Variants in ZNF320 observed in about 807,000 individuals in gnomAD.
The protein encoded by ZNF320 is zinc finger protein 320, also known as zinc finger gene 320.
Under a neutral mutation model 6.8 loss-of-function variants are expected in ZNF320, and 2 were observed. The observed-to-expected ratio is 0.29, with a 90% CI of 0.12 to 0.93. The LOEUF is 0.93. ZNF320 is among the 40% of genes least tolerant of loss of function. The pLI is 0.55. For missense variants in ZNF320, 472 were observed against 611.0 expected, an observed-to-expected ratio of 0.77 and a Z score of 2.40; for synonymous variants, 208 against 203.2, an observed-to-expected ratio of 1.02 and a Z score of -0.20.
At position 52,890,311 on chromosome 19, in the gene ZNF320, A is replaced by G. The variant is rs2064246745; in HGVS notation, c.-56T>C. ...CTGGGTTTCTTCCTCAGGTACCAAG[A>G]GTCTTTAGAAGTCAATCCTAAATGT... is the stretch of plus-strand genomic sequence containing the variant. On this transcript the variant is annotated 5_prime_UTR_variant, in exon 4 of 6. Transcript: ENST00000682928. 1.3e-6 allele frequency: 2 copies of G among 1,582,006 alleles called. No individual in the cohort carries two copies. The highest frequency in any genetic ancestry group is 1.4e-5 in the African/African-American group (1 of 73,762).
intron 4 of ZNF320, among the ~76,000 whole-genome samples, chr19:52,888,776 T>C (rs894579439): frequency 4.1e-4 from 62 of 152,134 alleles, no homozygotes. Context: ...ATTTTCAAAA[T>C]ATAAAAGATT....
intron 5 of ZNF320, among the ~76,000 whole-genome samples, chr19:52,867,339 C>T (rs376362635): frequency 6.6e-6 from 1 of 150,700 alleles, no homozygotes; most frequent in Non-Finnish European, 1.5e-5. Flanking sequence ...CTGGGATTAC[C>T]GGTACGTGCC....
In ZNF320 at chr19:52,881,206, CCA is replaced by C; in HGVS notation, c.918_919del (p.Cys306TrpfsTer5). ...AGTTGCTCGTTGCTTAAAAACCTTG[CCA>C]CATTCATTACACTTATAGGGTTTCT... On this transcript the variant is annotated frameshift_variant, in exon 6 of 6. Coordinates refer to ENST00000682928, the MANE Select transcript of ZNF320 (RefSeq NM_001351774.2). LOFTEE classifies it low-confidence loss of function (END_TRUNC). The C allele has an allele frequency of 6.2e-7, 1 of 1,614,120 alleles. No individual in the cohort carries two copies. The highest frequency in any genetic ancestry group is 8.5e-7 in the Non-Finnish European group (1 of 1,180,016).
downstream of ZNF320, chr19:52,873,944 T>C: frequency 4.9e-6 from 2 of 410,998 alleles, no homozygotes; most frequent in South Asian, 2.0e-5. Context: ...TACCTGGCAT[T>C]TCAGAAAGGA....
chr19:52,902,698 G>A, the ZNF320 span, among the ~76,000 whole-genome samples: 9 of 152,012 alleles, frequency 5.9e-5, no homozygotes, highest in Admixed American at 5.9e-4. Context: ...TTTTATATTA[G>A]TGTGTTACTA....
intron 3 of ZNF320, 56 bp downstream of exon 3, chr19:52,891,173 T>C (rs897282517): frequency 6.6e-6 from 1 of 151,494 alleles, no homozygotes; most frequent in Non-Finnish European, 1.5e-5. Context: ...TAAAATAAAA[T>C]AAAACAAAAC....
At chr19:52,865,276 C>G in intron 5 of ZNF320, 1 of 201,062 alleles carries the variant, frequency 5.0e-6, no homozygotes, top group Non-Finnish European at 1.0e-5. Flanking sequence ...AAGCTGAGAT[C>G]GTGCTACTGG....
chr19:52,888,550 G>A (rs2064178618), intron 4 of ZNF320: 1 of 171,588 alleles, frequency 5.8e-6, no homozygotes, highest in Non-Finnish European at 1.2e-5. Flanking sequence ...AGGACGGCTT[G>A]ACCTTGATGG....
At chr19:52,902,222 A>C (rs979397106), upstream of ZNF320, among the ~76,000 whole-genome samples, 2 of 152,210 alleles carry the variant, frequency 1.3e-5, no homozygotes, top group Admixed American at 1.3e-4. Context: ...CTCTGCCGTG[A>C]GATACAAGAA....
chr19:52,882,669 G>A (rs2063958400), intron 5 of ZNF320, among the ~76,000 whole-genome samples: 1 of 152,180 alleles, frequency 6.6e-6, no homozygotes. Context: ...AAGGCAGGGG[G>A]TGGTGGCTCG....
At chr19:52,874,042 C>A, downstream of ZNF320, 1 of 450,898 alleles carries the variant, frequency 2.2e-6, no homozygotes, top group South Asian at 1.7e-5. Flanking sequence ...TGGTGTCTTC[C>A]TCAAGTAACA....
rs528386588 is a variant in ZNF320, at chr19:52,879,744, T to C, written c.*852A>G. The C allele has an allele frequency of 6.6e-6, 1 of 152,312 alleles. No homozygotes were observed. The highest frequency in any genetic ancestry group is 2.4e-5 in the African/African-American group (1 of 41,570). 9.4% of individuals were successfully genotyped at this position (152,312 alleles called of 1,614,324 possible). A position where few individuals can be genotyped will look rare whatever the true frequency, so the allele number is the denominator to read the frequency against. ...GAACTAAAAAACATATGCAGTGGAT[T>C]TGAAGAATAGAATAACAGCACCAAA... On this transcript the variant is annotated 3_prime_UTR_variant, in exon 6 of 6. Coordinates refer to ENST00000682928, the MANE Select transcript of ZNF320 (RefSeq NM_001351774.2).
rs140545085 is a variant in ZNF320, at chr19:52,882,690, C to T, written c.143-707G>A. Among the ~76,000 whole-genome samples, 288 of 152,248 alleles carry T rather than the reference C, an allele frequency of 1.9e-3. 2 individuals are homozygous for T. Among genetic ancestry groups the T allele is most frequent in the African/African-American group, 6.5e-3 (271 of 41,572 alleles). ...GGGGGTGGTGGCTCGCGCCTGTGAT[C>T]CCAGTACTTTGGAAGGCGGAGGCAG... On this transcript the variant is annotated intron_variant, in intron 5 of 5. Transcript: ENST00000682928.
chr19:52,872,337 G>A (rs1371450221), downstream of ZNF320, among the ~76,000 whole-genome samples: 2 of 152,172 alleles, frequency 1.3e-5, no homozygotes, highest in Non-Finnish European at 2.9e-5. Context: ...AAGGGGGCCT[G>A]CCCCTCCACA....
chr19:52,890,381 C>T, intron 3 of ZNF320, 53 bp from the exon 4 acceptor site: 1 of 1,347,850 alleles, frequency 7.4e-7, no homozygotes, highest in African/African-American at 1.4e-5. Context: ...ACCCCCTCCC[C>T]ATAACACAAT....
chr19:52,882,755 A>T (rs2063961411), intron 5 of ZNF320, among the ~76,000 whole-genome samples: 1 of 152,156 alleles, frequency 6.6e-6, no homozygotes, highest in South Asian at 2.1e-4. Context: ...AACCTGGCCA[A>T]CATGGCGAAG....
Position 52,892,809 on chromosome 19 carries a change from C to T in ZNF320, c.-192+970G>A, listed in dbSNP as rs568022092. On this transcript the variant is annotated intron_variant, in intron 2 of 5. Transcript: ENST00000682928. The stretch of plus-strand genomic sequence containing the variant: ...ATCCCCAGGTGTCCTCCCTGCTGTG[C>T]TTCTCCCTCTGTTCTCCTTGCCACC... 1.3e-4 allele frequency among the ~76,000 whole-genome samples: 19 copies of T among 151,596 alleles called. No homozygotes were observed. The East Asian group carries it at 2.5e-3, about 20-fold the overall frequency.
At chr19:52,896,647 T>C (rs1282074207) in intron 1 of ZNF320, among the ~76,000 whole-genome samples, 2 of 152,104 alleles carry the variant, frequency 1.3e-5, no homozygotes, top group East Asian at 3.9e-4. Flanking sequence ...ATGTTGATGA[T>C]GCAGTGAGCT....
Position 52,876,214 on chromosome 19 carries a change from A to G in ZNF320, c.*4382T>C, listed in dbSNP as rs761781456. The G allele has an allele frequency of 4.6e-5, 7 of 152,208 alleles. No individual in the cohort carries two copies. Among genetic ancestry groups the G allele is most frequent in the Non-Finnish European group, 1.0e-4 (7 of 68,046 alleles). 9.4% of individuals were successfully genotyped at this position (152,208 alleles called of 1,614,324 possible). On this transcript the variant is annotated 3_prime_UTR_variant, in exon 6 of 6. Coordinates refer to ENST00000682928, the MANE Select transcript of ZNF320 (RefSeq NM_001351774.2). ...TAAATTTTAATGTTAGCATAAAGAA[A>G]AAGTTCCTTGATATCTTTATCAAGT...
Sources: gnomAD v4.1 joint callset for allele counts (sites outside exome capture counted in the v4.1 genomes callset) on GRCh38, gnomAD v4.1.1 for gene constraint, MANE v1.5 for transcripts, NCBI Gene and HGNC (gene_info 2026-07-23, HGNC 2026-07-21) for gene names.